The following IMMP2L variants were observed in gnomAD, a reference collection of about 807,000 sequenced individuals.
The protein encoded by IMMP2L is mitochondrial inner membrane protease subunit 2.
In IMMP2L, 18 loss-of-function variants were observed where a neutral mutation model predicts 19.3. That is an observed-to-expected ratio of 0.93 (90% CI 0.64 to 1.38). IMMP2L has a LOEUF of 1.38. Ranked by LOEUF, IMMP2L falls within the 40% of genes most tolerant of loss-of-function variation. IMMP2L has a pLI of 0.00. For synonymous variants in IMMP2L, 76 were observed against 73.0 expected (o/e 1.04, Z -0.21); for missense variants, 233 against 218.2 (o/e 1.07, Z -0.43).
intron 3 of IMMP2L, among the ~76,000 whole-genome samples, chr7:111,296,165 G>T (rs1220145165): frequency 6.6e-6 from 1 of 151,706 alleles, no homozygotes; most frequent in Non-Finnish European, 1.5e-5. Flanking sequence ...AAGATGTGAA[G>T]AACTCATAAC....
intron 5 of IMMP2L, among the ~76,000 whole-genome samples, chr7:110,726,837 G>T (rs1192048401): frequency 1.1e-4 from 17 of 152,140 alleles, no homozygotes; most frequent in Admixed American, 1.1e-3. Context: ...AATCACCAAT[G>T]CCCAAATTAC....
intron 5 of IMMP2L, among the ~76,000 whole-genome samples, chr7:110,673,447 A>C (rs1160666544): frequency 6.6e-6 from 1 of 152,222 alleles, no homozygotes; most frequent in African/African-American, 2.4e-5. Context: ...TTTGGCAATT[A>C]ACACTGGGCT....
chr7:111,492,350 C>T, intron 2 of IMMP2L: 1 of 977,428 alleles, frequency 1.0e-6, no homozygotes, highest in Non-Finnish European at 1.2e-6. Flanking sequence ...GTACCACTTA[C>T]CCTATCCCCC....
At chr7:111,414,167 T>C (rs919647096) in intron 3 of IMMP2L, among the ~76,000 whole-genome samples, 1 of 151,730 alleles carries the variant, frequency 6.6e-6, no homozygotes, top group African/African-American at 2.4e-5. Flanking sequence ...TAAAGTACAC[T>C]AGAACCAGAA....
intron 4 of IMMP2L, among the ~76,000 whole-genome samples, chr7:110,920,583 C>T (rs1473772089): frequency 1.3e-5 from 2 of 152,114 alleles, no homozygotes; most frequent in African/African-American, 4.8e-5. Context: ...ATTTGAAAGT[C>T]CTAATGCTGA....
At chr7:111,474,509 CT>C (rs527619394) in intron 3 of IMMP2L, among the ~76,000 whole-genome samples, 15 of 147,164 alleles carry the variant, frequency 1.0e-4, no homozygotes, top group East Asian at 2.0e-4. Flanking sequence ...CAGTTTTCCG[CT>C]TTTTTTTTTC....
chr7:111,220,576 T>TGACG (rs1812402315), intron 3 of IMMP2L, among the ~76,000 whole-genome samples: 2 of 148,256 alleles, frequency 1.3e-5, no homozygotes, highest in African/African-American at 5.0e-5. Context: ...CAGAGAAACA[T>TGACG]GATGGATGGA....
intron 3 of IMMP2L, among the ~76,000 whole-genome samples, chr7:111,055,043 T>G (rs1243421506): frequency 6.6e-6 from 1 of 150,928 alleles, no homozygotes; most frequent in Non-Finnish European, 1.5e-5. Context: ...TTGACACGTT[T>G]CTTCCTTCTT....
intron 5 of IMMP2L, among the ~76,000 whole-genome samples, chr7:110,717,985 A>G (rs1209025850): frequency 6.6e-6 from 1 of 152,238 alleles, no homozygotes; most frequent in East Asian, 1.9e-4. Flanking sequence ...AAGAAATTCA[A>G]GAAGCAAAAA....
chr7:111,391,867 T>A lies in IMMP2L; in HGVS notation c.239+95371A>T, dbSNP rs1251913834. On this transcript the variant is annotated intron_variant, in intron 3 of 5. Coordinates refer to ENST00000405709, the MANE Select transcript of IMMP2L (RefSeq NM_032549.4). The stretch of plus-strand genomic sequence containing the variant: ...CTTTCAGTTGCCTCCACTCTCCAGA[T>A]GGGATTCCTGCCCTCTGTTCTAAAG... The A allele has an allele frequency of 1.0e-4, 73 of 702,546 alleles. No homozygotes were observed. The East Asian group carries it at 2.0e-3, about 19-fold the overall frequency. The allele number at this position is 702,546 out of a possible 1,614,324, so 43.5% of individuals were successfully genotyped here.
At chr7:111,309,308 G>C (rs919153686) in intron 3 of IMMP2L, among the ~76,000 whole-genome samples, 5 of 152,106 alleles carry the variant, frequency 3.3e-5, no homozygotes, top group Admixed American at 6.6e-5. Flanking sequence ...ATGATTGCAA[G>C]AAATCAATTT....
chr7:111,123,454 C>A lies in IMMP2L; in HGVS notation c.240-159889G>T, dbSNP rs145004274. 6.2e-6 allele frequency: 10 copies of A among 1,613,316 alleles called. No individual in the cohort carries two copies. In the African/African-American group the frequency reaches 1.3e-4, roughly 22 times the overall value. Reference sequence around the variant, plus strand: ...AGCTGGTATAAACCTCACAGAAATACCAGATAACGCCTTGGTTGGACTGGA... The same window carrying A: ...AGCTGGTATAAACCTCACAGAAATAACAGATAACGCCTTGGTTGGACTGGA... On this transcript the variant is annotated intron_variant, in intron 3 of 5. Transcript: ENST00000405709. The surrounding 1 kb of genome is among the most constrained non-coding windows in gnomAD (Gnocchi z 6.4).
chr7:111,543,962 G>A (rs999570079), intron 1 of IMMP2L, among the ~76,000 whole-genome samples: 1 of 152,080 alleles, frequency 6.6e-6, no homozygotes, highest in African/African-American at 2.4e-5. Context: ...CCATCTTATA[G>A]CTTTAATACC....
chr7:111,149,038 A>T (rs1431800176), intron 3 of IMMP2L, among the ~76,000 whole-genome samples: 1 of 152,110 alleles, frequency 6.6e-6, no homozygotes, highest in Non-Finnish European at 1.5e-5. Context: ...GCTTTTATCC[A>T]CTTGCTGTGC....
At chr7:111,038,314 T>C (rs17158277) in intron 3 of IMMP2L, among the ~76,000 whole-genome samples, 15,726 of 152,148 alleles carry the variant, frequency 0.1, 851 homozygotes, top group Middle Eastern at 0.2. Context: ...GGCTAGTTAA[T>C]TGGAAGCACA....
At chr7:111,349,966 G>A (rs1213673690) in intron 3 of IMMP2L, among the ~76,000 whole-genome samples, 1 of 150,942 alleles carries the variant, frequency 6.6e-6, no homozygotes. Flanking sequence ...AAACAAAGAT[G>A]GTCCTTTTTT....
intron 3 of IMMP2L, among the ~76,000 whole-genome samples, chr7:111,485,613 A>AAC (rs1469167919): frequency 2.7e-5 from 4 of 149,932 alleles, no homozygotes; most frequent in Non-Finnish European, 5.9e-5. Context: ...AAAAAAAAAA[A>AAC]AAAAAAAAAA....
chr7:111,316,465 T>A (rs903826552), intron 3 of IMMP2L, among the ~76,000 whole-genome samples: 3 of 152,096 alleles, frequency 2.0e-5, no homozygotes, highest in Admixed American at 6.6e-5. Flanking sequence ...GAATACATAG[T>A]TAGGGAGAAA....
At chr7:110,850,876 G>C (rs1806145879) in intron 5 of IMMP2L, among the ~76,000 whole-genome samples, 1 of 151,746 alleles carries the variant, frequency 6.6e-6, no homozygotes, top group African/African-American at 2.4e-5. Context: ...TAGATAGCAA[G>C]TCAGAATATC....
Sources: allele counts gnomAD v4.1 joint callset (sites outside exome capture counted in the v4.1 genomes callset), GRCh38; gene constraint gnomAD v4.1.1; non-coding constraint Gnocchi (gnomAD v3.1); transcripts MANE v1.5; gene names NCBI Gene and HGNC (gene_info 2026-07-23, HGNC 2026-07-21).